CNTNAP2: variants seen among roughly 807,000 people sequenced by gnomAD.
CNTNAP2 encodes the protein contactin associated protein 2.
Under a neutral mutation model 155.2 loss-of-function variants are expected in CNTNAP2, and 98 were observed. The observed-to-expected ratio is 0.63, with a 90% CI of 0.54 to 0.75. The LOEUF (loss-of-function observed/expected upper bound fraction) is 0.75. Among genes scored for constraint, CNTNAP2 ranks in the 30% least tolerant of loss-of-function variants. The probability of loss-of-function intolerance (pLI) is 0.00; values close to 1 mark genes in which losing one functional copy is unlikely to be tolerated. For synonymous variants in CNTNAP2, 651 were observed against 631.2 expected, an observed-to-expected ratio of 1.03 and a Z score of -0.47; for missense variants, 1,727 against 1,688.1, an observed-to-expected ratio of 1.02 and a Z score of -0.40.
intron 4 of CNTNAP2, among the ~76,000 whole-genome samples, chr7:147,090,484 T>C (rs1202302201): frequency 6.6e-6 from 1 of 152,160 alleles, no homozygotes; most frequent in Non-Finnish European, 1.5e-5. Context: ...CTCAAGGTCA[T>C]ACATTTATTC....
In CNTNAP2 at chr7:146,393,446, G is replaced by A. The variant is rs566359981; in HGVS notation, c.97+276473G>A. Reference sequence around the variant, plus strand: ...TGATAATGCAACTTAATGTGGCCATGATGGTGTCTTGCATTGTGAGGTTAA... The same window carrying A: ...TGATAATGCAACTTAATGTGGCCATAATGGTGTCTTGCATTGTGAGGTTAA... On this transcript the variant is annotated intron_variant, in intron 1 of 23. Transcript: ENST00000361727. Among the ~76,000 whole-genome samples the A allele has an allele frequency of 2.6e-5, 4 of 152,278 alleles. No individual in the cohort carries two copies. The South Asian group carries it at 8.3e-4, about 32-fold the overall frequency.
At chr7:146,832,610 TATA>T (rs1238390850) in intron 2 of CNTNAP2, among the ~76,000 whole-genome samples, 4 of 148,108 alleles carry the variant, frequency 2.7e-5, no homozygotes, top group African/African-American at 9.8e-5. Context: ...TATTATATAT[TATA>T]TTTTATATAT....
At position 146,116,815 on chromosome 7, in the gene CNTNAP2, C is replaced by A. The variant is rs1797489016; in HGVS notation, c.-62C>A. The A allele has an allele frequency of 1.5e-6, 2 of 1,340,372 alleles. No individual in the cohort carries two copies. The highest frequency in any genetic ancestry group is 2.5e-5 in the South Asian group (2 of 78,536). The allele number at this position is 1,340,372 out of a possible 1,614,324, so 83.0% of individuals were successfully genotyped here. ...AGCCCATCTCCCTTCAAGAACCCTA[C>A]GGAGAGTCGGACTGCATCTCCGCAG... On this transcript the variant is annotated 5_prime_UTR_variant, in exon 1 of 24. Transcript: ENST00000361727. The surrounding 1 kb of genome is among the most constrained non-coding windows in gnomAD (Gnocchi z 5.5).
At position 148,003,061 on chromosome 7, in the gene CNTNAP2, C is replaced by A. The variant is rs556035731; in HGVS notation, c.2383+25072C>A. ...AGAAGGCGATTAGAAAAGCCTTGTG[C>A]TGACAGTGCAGGTTCTATGATATGG... On this transcript the variant is annotated intron_variant, in intron 15 of 23. Transcript: ENST00000361727. Among the ~76,000 whole-genome samples, 9 of 152,228 alleles carry A rather than the reference C, an allele frequency of 5.9e-5. No homozygotes were observed. The South Asian group carries it at 1.0e-3, about 18-fold the overall frequency.
intron 21 of CNTNAP2, among the ~76,000 whole-genome samples, chr7:148,287,327 G>A (rs932260206): frequency 2.0e-5 from 3 of 152,028 alleles, no homozygotes; most frequent in African/African-American, 7.2e-5. Flanking sequence ...AGAAACTAAA[G>A]TTTGAACAGC....
At chr7:148,281,519 T>C (rs1796973007) in intron 21 of CNTNAP2, among the ~76,000 whole-genome samples, 1 of 152,238 alleles carries the variant, frequency 6.6e-6, no homozygotes, top group Admixed American at 6.5e-5. Flanking sequence ...GAAGAAATTA[T>C]GTCCTGTTTT....
chr7:146,520,881 C>T (rs961511601), intron 1 of CNTNAP2, among the ~76,000 whole-genome samples: 13 of 151,820 alleles, frequency 8.6e-5, no homozygotes, highest in African/African-American at 2.9e-4. Context: ...TGCTGAGCTC[C>T]GCAGTTTTTG....
intron 1 of CNTNAP2, among the ~76,000 whole-genome samples, chr7:146,512,199 A>G (rs950359490): frequency 2.0e-4 from 30 of 151,512 alleles, no homozygotes; most frequent in African/African-American, 6.5e-4. Context: ...TAGTCTACCT[A>G]AAGCTTTGTC....
chr7:148,346,055 C>T (rs1798321199), intron 21 of CNTNAP2, among the ~76,000 whole-genome samples: 1 of 152,108 alleles, frequency 6.6e-6, no homozygotes, highest in South Asian at 2.1e-4. Context: ...TGGCACTTGG[C>T]ACACCCCCTG....
At chr7:147,004,212 C>CAAAA (rs71525979) in intron 3 of CNTNAP2, among the ~76,000 whole-genome samples, 2,085 of 97,544 alleles carry the variant, frequency 0.021, 32 homozygotes, top group South Asian at 0.042. Context: ...ACTCATATAC[C>CAAAA]AAAAAAAAAA....
chr7:146,653,989 A>T (rs1799956556), intron 1 of CNTNAP2, among the ~76,000 whole-genome samples: 1 of 152,042 alleles, frequency 6.6e-6, no homozygotes, highest in African/African-American at 2.4e-5. Flanking sequence ...TGGGTAAGAA[A>T]TTATAATCCC....
At chr7:146,358,462 A>G (rs1207939793) in intron 1 of CNTNAP2, among the ~76,000 whole-genome samples, 8 of 152,344 alleles carry the variant, frequency 5.3e-5, no homozygotes, top group Middle Eastern at 3.4e-3. Flanking sequence ...TATAGTCCTC[A>G]AGAAAACTTC....
intron 1 of CNTNAP2, among the ~76,000 whole-genome samples, chr7:146,185,533 T>C (rs999036708): frequency 2.0e-5 from 3 of 152,150 alleles, no homozygotes; most frequent in African/African-American, 7.2e-5. Flanking sequence ...TAAATTTTAA[T>C]GTTAACTTCT....
chr7:146,410,070 C>A (rs979645034), intron 1 of CNTNAP2, among the ~76,000 whole-genome samples: 11 of 152,158 alleles, frequency 7.2e-5, no homozygotes, highest in African/African-American at 2.7e-4. Context: ...AGTATCTATT[C>A]CAACTCCTCT....
chr7:146,309,195 C>T (rs1800775580), intron 1 of CNTNAP2, among the ~76,000 whole-genome samples: 1 of 152,094 alleles, frequency 6.6e-6, no homozygotes, highest in Non-Finnish European at 1.5e-5. Context: ...ATCTTACATA[C>T]ATTTCCTGTT....
Position 146,422,359 on chromosome 7 carries a change from G to GTGTATATATATATATATA in CNTNAP2, c.97+305387_97+305388insGTATATATATATATATAT, listed in dbSNP as rs1554431181. ...TACATATATGTATGTGTATATATAT[G>GTGTATATATATATATATA]TATATATATATATGTTAGCCATTTA... On this transcript the variant is annotated intron_variant, in intron 1 of 23. Coordinates refer to ENST00000361727, the MANE Select transcript of CNTNAP2 (RefSeq NM_014141.6). Among the ~76,000 whole-genome samples the GTGTATATATATATATATA allele has an allele frequency of 2.0e-3, 301 of 148,140 alleles. 4 individuals are homozygous for GTGTATATATATATATATA. The highest frequency in any genetic ancestry group is 7.2e-3 in the African/African-American group (289 of 40,264).
intron 21 of CNTNAP2, among the ~76,000 whole-genome samples, chr7:148,324,104 C>T (rs1193808645): frequency 1.3e-5 from 2 of 151,942 alleles, no homozygotes; most frequent in Non-Finnish European, 2.9e-5. Flanking sequence ...AGGCTGGTCT[C>T]GAACTCCTGA....
At chr7:147,869,071 C>T (rs4725747) in intron 13 of CNTNAP2, among the ~76,000 whole-genome samples, 95,923 of 152,108 alleles carry the variant, frequency 0.63, 30,489 homozygotes, top group Middle Eastern at 0.74. Flanking sequence ...CTGGGTGCTG[C>T]GGACCAGAAC....
chr7:146,631,823 C>A (rs1799515213), intron 1 of CNTNAP2, among the ~76,000 whole-genome samples: 1 of 152,078 alleles, frequency 6.6e-6, no homozygotes, highest in South Asian at 2.1e-4. Context: ...TACCAATCTC[C>A]AAGTTTTAAT....
Sources: gnomAD v4.1 joint callset for allele counts (sites outside exome capture counted in the v4.1 genomes callset) on GRCh38, gnomAD v4.1.1 for gene constraint, Gnocchi (gnomAD v3.1) non-coding constraint, MANE v1.5 for transcripts, NCBI Gene and HGNC (gene_info 2026-07-23, HGNC 2026-07-21) for gene names.